FMO2: variants seen among roughly 807,000 people sequenced by gnomAD.
FMO2 encodes the protein flavin containing dimethylaniline monoxygenase 2.
In FMO2, 33 loss-of-function variants were observed where a neutral mutation model predicts 41.6. That is an observed-to-expected ratio of 0.79 (90% confidence interval 0.60 to 1.06). The LOEUF is 1.06. FMO2 is among the 50% of genes least tolerant of loss of function. The probability of loss-of-function intolerance (pLI) is 0.00; values close to 1 mark genes in which losing one functional copy is unlikely to be tolerated. For synonymous variants in FMO2, 214 were observed against 219.6 expected (o/e 0.97, Z 0.23); for missense variants, 619 against 632.9 (o/e 0.98, Z 0.23).
In FMO2 at chr1:171,208,452, C is replaced by T. The variant is rs183598906; in HGVS notation, c.1257-342C>T. 3.3e-3 allele frequency among the ~76,000 whole-genome samples: 497 copies of T among 152,308 alleles called. 1 individual carries two copies. The highest frequency in any genetic ancestry group is 5.5e-3 in the Non-Finnish European group (373 of 68,022). On this transcript the variant is annotated intron_variant, in intron 8 of 8. Coordinates refer to ENST00000209929, the MANE Select transcript of FMO2 (RefSeq NM_001460.5). ...CATCTCCTTTGAGCAAGACACCAAG[C>T]TATGCTTTCATATGCATTATCTCAT...
rs2020868 is a variant in FMO2 at position 171,193,412 on chromosome 1, T to TGAC, written c.211_213dup (p.Asp71dup). Reference sequence around the variant, plus strand: ...CCAGCAAAGAAATGTCCTGTTTCAGTGACTTTCCAATGCCTGAAGATTTTC... The same window carrying TGAC: ...CCAGCAAAGAAATGTCCTGTTTCAGTGACGACTTTCCAATGCCTGAAGATTTTC... On this transcript the variant is annotated inframe_insertion, in exon 3 of 9. Coordinates refer to ENST00000209929, the MANE Select transcript of FMO2 (RefSeq NM_001460.5). 0.055 allele frequency: 88,815 copies of TGAC among 1,610,834 alleles called. 4,341 individuals are homozygous for TGAC. Among genetic ancestry groups the TGAC allele is most frequent in the African/African-American group, 0.26 (19,607 of 74,670 alleles).
chr1:171,196,506 C>T (rs754949300), intron 3 of FMO2, 143 bp from the exon 4 acceptor site: 317 of 602,018 alleles, frequency 5.3e-4, no homozygotes, highest in Non-Finnish European at 7.9e-4. Flanking sequence ...TCTCTCAAGT[C>T]CTTATTCAGT....
chr1:171,192,436 T>C (rs942311297), intron 2 of FMO2, among the ~76,000 whole-genome samples: 14 of 152,148 alleles, frequency 9.2e-5, no homozygotes, highest in African/African-American at 3.1e-4. Flanking sequence ...CTTGAAATTA[T>C]AGCAAAGTTA....
Position 171,199,330 on chromosome 1 carries a change from C to A in FMO2, c.485-16C>A, listed in dbSNP as rs112884205. On this transcript the variant is annotated splice_polypyrimidine_tract_variant and intron_variant, in intron 4 of 8. Transcript: ENST00000209929. Reference sequence around the variant, plus strand: ...TGCTCTGGAGCTCACAGACTTCTCTCTTCTTCCCCCTGAAGGTATGGAGAG... The same window carrying A: ...TGCTCTGGAGCTCACAGACTTCTCTATTCTTCCCCCTGAAGGTATGGAGAG... 4.0e-5 allele frequency: 63 copies of A among 1,563,786 alleles called. 1 individual carries two copies. In the African/African-American group the frequency reaches 6.6e-4, roughly 16 times the overall value.
In FMO2 at chr1:171,190,291, T is replaced by C. The variant is rs551303809; in HGVS notation, c.133-3044T>C. ...AAATTCTAAATAAGTGCTATCTGAATTAACTTGGTTTGCTAGAGTTTTCTG... is the reference window on the plus strand; with the variant it reads ...AAATTCTAAATAAGTGCTATCTGAACTAACTTGGTTTGCTAGAGTTTTCTG... On this transcript the variant is annotated intron_variant, in intron 2 of 8. Transcript: ENST00000209929. Among the ~76,000 whole-genome samples, 22 of 152,322 alleles carry C rather than the reference T, an allele frequency of 1.4e-4. 1 individual carries two copies. The South Asian group carries it at 4.4e-3, about 30-fold the overall frequency.
At chr1:171,201,635 T>C (rs545793079) in intron 5 of FMO2, among the ~76,000 whole-genome samples, 1 of 152,138 alleles carries the variant, frequency 6.6e-6, no homozygotes, top group East Asian at 1.9e-4. Flanking sequence ...CCACTCAAGA[T>C]CATATGGGAT....
chr1:171,185,939 C>T (rs1020043506), intron 2 of FMO2, 94 bp downstream of exon 2: 1 of 1,235,612 alleles, frequency 8.1e-7, no homozygotes, highest in African/African-American at 1.5e-5. Context: ...ATTTATTAAA[C>T]AACTCTGATC....
Position 171,185,775 on chromosome 1 carries a change from G to T in FMO2, c.62G>T (p.Cys21Phe). 3 of 1,613,886 alleles carry T rather than the reference G, an allele frequency of 1.9e-6. No individual in the cohort carries two copies. The highest frequency in any genetic ancestry group is 2.5e-6 in the Non-Finnish European group (3 of 1,179,806). Reference sequence around the variant, plus strand: ...AGTGGCCTAATTTCTCTGAAGTGCTGTGTGGATGAGGGACTTGAGCCCACT... The same window carrying T: ...AGTGGCCTAATTTCTCTGAAGTGCTTTGTGGATGAGGGACTTGAGCCCACT... ...GVSGLISLKC[C>F]VDEGLEPTCF... Residue 21 changes from cysteine (C) to phenylalanine (F), a missense_variant, in exon 2 of 9, where the codon TGT becomes TTT. By Grantham distance (205) the Cys-to-Phe change is radical. Coordinates refer to ENST00000209929, the MANE Select transcript of FMO2 (RefSeq NM_001460.5).
chr1:171,194,827 C>T (rs1343323784), intron 3 of FMO2, among the ~76,000 whole-genome samples: 1 of 152,082 alleles, frequency 6.6e-6, no homozygotes, highest in Non-Finnish European at 1.5e-5. Flanking sequence ...ATGTCATTTT[C>T]TTAGTAATTC....
At chr1:171,187,627 C>CAAAA (rs765479366) in intron 2 of FMO2, among the ~76,000 whole-genome samples, 1 of 82,598 alleles carries the variant, frequency 1.2e-5, no homozygotes, top group African/African-American at 4.2e-5. Context: ...AACCTGCCAC[C>CAAAA]AAAAAAAAAA....
At chr1:171,201,267 G>A (rs1658523509) in intron 5 of FMO2, among the ~76,000 whole-genome samples, 1 of 152,018 alleles carries the variant, frequency 6.6e-6, no homozygotes, top group South Asian at 2.1e-4. Flanking sequence ...AAATTCTGGG[G>A]CTATGCATGT....
chr1:171,209,857 T>G lies in FMO2; in HGVS notation c.*712T>G, dbSNP rs953355259. ...GACATTGTGCTATGTGCATATCATATGTATTATTTCATTTAATTCTCACAA... is the reference window on the plus strand; with the variant it reads ...GACATTGTGCTATGTGCATATCATAGGTATTATTTCATTTAATTCTCACAA... On this transcript the variant is annotated 3_prime_UTR_variant, in exon 9 of 9. Coordinates refer to ENST00000209929, the MANE Select transcript of FMO2 (RefSeq NM_001460.5). 2.6e-5 allele frequency: 4 copies of G among 152,224 alleles called. No individual in the cohort carries two copies. Among genetic ancestry groups the G allele is most frequent in the Non-Finnish European group, 4.4e-5 (3 of 68,030 alleles). 9.4% of individuals were successfully genotyped at this position (152,224 alleles called of 1,614,324 possible). A position where few individuals can be genotyped will look rare whatever the true frequency, so the allele number is the denominator to read the frequency against.
At chr1:171,193,793 TC>T (rs1277896671) in intron 3 of FMO2, among the ~76,000 whole-genome samples, 1 of 136,658 alleles carries the variant, frequency 7.3e-6, no homozygotes, top group Non-Finnish European at 1.6e-5. Context: ...TTTTTTTTTC[TC>T]CCTGAGACAG....
chr1:171,193,012 T>A (rs146329779), intron 2 of FMO2, among the ~76,000 whole-genome samples: 1 of 152,178 alleles, frequency 6.6e-6, no homozygotes, highest in South Asian at 2.1e-4. Context: ...GTAAGCTGGT[T>A]GTCACAAAGA....
Position 171,209,171 on chromosome 1 carries a change from A to G in FMO2, c.*26A>G. 3 of 431,996 alleles carry G rather than the reference A, an allele frequency of 6.9e-6. No homozygotes were observed. The highest frequency in any genetic ancestry group is 8.1e-6 in the Non-Finnish European group (2 of 246,106). 26.8% of individuals were successfully genotyped at this position (431,996 alleles called of 1,614,324 possible). A position where few individuals can be genotyped will look rare whatever the true frequency, so the allele number is the denominator to read the frequency against. ...TCAGCATAATGCTTTGGGCTTTATT[A>G]TCTTGTCAGTCACTACCTCCTAAAG... On this transcript the variant is annotated 3_prime_UTR_variant, in exon 9 of 9. Coordinates refer to ENST00000209929, the MANE Select transcript of FMO2 (RefSeq NM_001460.5).
intron 5 of FMO2, among the ~76,000 whole-genome samples, chr1:171,202,066 C>A (rs545782825): frequency 6.6e-6 from 1 of 152,100 alleles, no homozygotes; most frequent in African/African-American, 2.4e-5. Context: ...CTAAAACATG[C>A]GTCTCAGAGA....
chr1:171,211,108 CATT>C lies in FMO2; in HGVS notation c.*1964_*1966del, dbSNP rs1159883063. On this transcript the variant is annotated 3_prime_UTR_variant, in exon 9 of 9. Transcript: ENST00000209929. ...TAAGTATTAAAGATTATTTGTAAGT[CATT>C]GTATTAATAATACTAATAAAATTTA... 1.3e-5 allele frequency: 2 copies of C among 150,950 alleles called. No individual in the cohort carries two copies. Among genetic ancestry groups the C allele is most frequent in the African/African-American group, 2.5e-5 (1 of 40,344 alleles). 9.4% of individuals were successfully genotyped at this position (150,950 alleles called of 1,614,324 possible).
In FMO2 at chr1:171,209,144, A is replaced by G; in HGVS notation, c.1607A>G (p.Ter536TrpextTer3). 1 of 561,700 alleles carries G rather than the reference A, an allele frequency of 1.8e-6. No individual in the cohort carries two copies. The highest frequency in any genetic ancestry group is 3.1e-6 in the Non-Finnish European group (1 of 320,168). The allele number at this position is 561,700 out of a possible 1,614,324, so 34.8% of individuals were successfully genotyped here. A position where few individuals can be genotyped will look rare whatever the true frequency, so the allele number is the denominator to read the frequency against. Residue 536 changes from the stop codon to tryptophan (W), a stop_lost, in exon 9 of 9, where the codon TAG becomes TGG. Coordinates refer to ENST00000209929, the MANE Select transcript of FMO2 (RefSeq NM_001460.5). ...VAFFCQLQWS[*>W] ...TTTTTTTGCCAACTTCAATGGTCCT[A>G]GTCAGCATAATGCTTTGGGCTTTAT...
At chr1:171,204,120 A>C in intron 6 of FMO2, 56 bp downstream of exon 6, 2 of 1,284,726 alleles carry the variant, frequency 1.6e-6, no homozygotes. Context: ...AGTTGTCTGA[A>C]GGTGTCTCCC....
Sources: gnomAD v4.1 joint callset for allele counts (sites outside exome capture counted in the v4.1 genomes callset) on GRCh38, gnomAD v4.1.1 for gene constraint, MANE v1.5 for transcripts, NCBI Gene and HGNC (gene_info 2026-07-23, HGNC 2026-07-21) for gene names.